CYFIP2: variants seen among roughly 807,000 people sequenced by gnomAD.
CYFIP2 encodes the protein cytoplasmic FMR1-interacting protein 2.
CYFIP2 carries 29 observed loss-of-function variants against 158.7 expected under a neutral mutation model. The observed-to-expected ratio is 0.18, with a 90% CI of 0.14 to 0.25. The LOEUF is 0.25. Among genes scored for constraint, CYFIP2 ranks in the 10% least tolerant of loss-of-function variants. The pLI, the probability that CYFIP2 is intolerant of heterozygous loss-of-function variation, is 1.00. For missense variants in CYFIP2, 852 were observed against 1,639.5 expected, an observed-to-expected ratio of 0.52 and a Z score of 8.29; for synonymous variants, 585 against 617.6, an observed-to-expected ratio of 0.95 and a Z score of 0.78.
At chr5:157,348,010 C>T (rs1290214532) in intron 23 of CYFIP2, among the ~76,000 whole-genome samples, 1 of 152,260 alleles carries the variant, frequency 6.6e-6, no homozygotes, top group Non-Finnish European at 1.5e-5. Context: ...ACACCTGCCC[C>T]AGGACATTAC....
chr5:157,324,117 T>A (rs1347167960), intron 16 of CYFIP2, 43 bp downstream of exon 16: 1 of 1,566,480 alleles, frequency 6.4e-7, no homozygotes, highest in Non-Finnish European at 8.7e-7. Flanking sequence ...GAGGAGGGGA[T>A]GAGGGCTCTC....
intron 13 of CYFIP2, among the ~76,000 whole-genome samples, chr5:157,315,666 G>C: frequency 6.6e-6 from 1 of 152,198 alleles, no homozygotes; most frequent in East Asian, 1.9e-4. Context: ...ACTGTGCAGA[G>C]ATATTTGTAC....
chr5:157,296,810 T>C (rs1316756059), intron 5 of CYFIP2, 36 bp downstream of exon 5: 1 of 1,536,998 alleles, frequency 6.5e-7, no homozygotes, highest in Admixed American at 1.8e-5. Flanking sequence ...TCTGGAGAAC[T>C]GAAAAGGCCC....
intron 23 of CYFIP2, among the ~76,000 whole-genome samples, chr5:157,354,426 C>A (rs1763276379): frequency 6.6e-6 from 1 of 152,108 alleles, no homozygotes; most frequent in Non-Finnish European, 1.5e-5. Context: ...AATGCCCAGG[C>A]TCCCCTATTC....
chr5:157,282,291 G>T (rs762979479), intron 1 of CYFIP2, among the ~76,000 whole-genome samples: 1 of 152,198 alleles, frequency 6.6e-6, no homozygotes, highest in East Asian at 1.9e-4. Flanking sequence ...AGGAGCAAGA[G>T]AGTGGGCAGT....
chr5:157,333,380 C>T lies in CYFIP2; in HGVS notation c.2319C>T (p.Ala773=), dbSNP rs773170930. 82 of 1,613,842 alleles carry T rather than the reference C, an allele frequency of 5.1e-5. No individual in the cohort carries two copies. Among genetic ancestry groups the T allele is most frequent in the South Asian group, 1.1e-4 (10 of 91,086 alleles). The part of the protein sequence containing the change: ...LNRLITQRIS[A]AMYKSLDQAI... ...GACTCATTACCCAGCGCATCTCTGC[C>T]GCCATGTATAAATCCTTGGACCAAG... Residue 773 remains alanine (A), a synonymous_variant, in exon 21 of 31, where the codon GCC becomes GCT. Coordinates refer to ENST00000620254, the MANE Select transcript of CYFIP2 (RefSeq NM_001037333.3).
chr5:157,375,517 A>T (rs944445482), intron 26 of CYFIP2, among the ~76,000 whole-genome samples: 2 of 152,176 alleles, frequency 1.3e-5, no homozygotes, highest in African/African-American at 4.8e-5. Context: ...TATACTGGAT[A>T]GCTATGAGAC....
In CYFIP2 at chr5:157,390,062, T is replaced by G. The variant is rs140695079; in HGVS notation, c.3447-459T>G. 3.2e-3 allele frequency among the ~76,000 whole-genome samples: 488 copies of G among 152,274 alleles called. 1 individual carries two copies. The highest frequency in any genetic ancestry group is 5.4e-3 in the Non-Finnish European group (369 of 68,014). On this transcript the variant is annotated intron_variant, in intron 29 of 30. Transcript: ENST00000620254. ...ACTCAGCCTCAACCCCAGCAGCATCTGCCCACCATGGCCTGTCCCTTCCCT... is the reference window on the plus strand; with the variant it reads ...ACTCAGCCTCAACCCCAGCAGCATCGGCCCACCATGGCCTGTCCCTTCCCT...
At chr5:157,327,655 C>A (rs1005601149) in intron 18 of CYFIP2, among the ~76,000 whole-genome samples, 1 of 152,026 alleles carries the variant, frequency 6.6e-6, no homozygotes, top group Admixed American at 6.6e-5. Flanking sequence ...AGTTAGCGGA[C>A]GAATTTGAGC....
intron 1 of CYFIP2, among the ~76,000 whole-genome samples, chr5:157,271,052 G>A (rs1217424770): frequency 2.6e-5 from 4 of 152,200 alleles, no homozygotes; most frequent in Non-Finnish European, 4.4e-5. Flanking sequence ...CTAAGGGAGT[G>A]AGAGAAATAA....
chr5:157,296,355 A>G (rs184463132), intron 4 of CYFIP2: 23 of 371,176 alleles, frequency 6.2e-5, no homozygotes, highest in Admixed American at 5.6e-4. Context: ...GCAATTTGGG[A>G]GGCTGAGGTG....
chr5:157,367,493 G>T (rs1764495724), intron 26 of CYFIP2, among the ~76,000 whole-genome samples: 1 of 152,188 alleles, frequency 6.6e-6, no homozygotes, highest in Non-Finnish European at 1.5e-5. Context: ...ATGAAAACCA[G>T]ATGTGCCTTG....
rs144022932 is a variant in CYFIP2 at position 157,372,852 on chromosome 5, G to A, written c.3040-9738G>A. Reference sequence around the variant, plus strand: ...GGCAGCCACCCTCCTCCCATTGGCCGTGGTGGGAAGGCTTACCTTCTGCTT... The same window carrying A: ...GGCAGCCACCCTCCTCCCATTGGCCATGGTGGGAAGGCTTACCTTCTGCTT... On this transcript the variant is annotated intron_variant, in intron 26 of 30. Coordinates refer to ENST00000620254, the MANE Select transcript of CYFIP2 (RefSeq NM_001037333.3). 2.4e-3 allele frequency among the ~76,000 whole-genome samples: 360 copies of A among 152,206 alleles called. 1 individual carries two copies. Among genetic ancestry groups the A allele is most frequent in the African/African-American group, 8.4e-3 (349 of 41,546 alleles).
At chr5:157,376,985 A>G (rs570133391) in intron 26 of CYFIP2, 58 of 436,686 alleles carry the variant, frequency 1.3e-4, no homozygotes, top group African/African-American at 1.0e-3. Flanking sequence ...AACGGTACCA[A>G]CGTCATACAG....
chr5:157,271,960 A>G (rs1756136176), intron 1 of CYFIP2, among the ~76,000 whole-genome samples: 2 of 152,204 alleles, frequency 1.3e-5, no homozygotes, highest in Non-Finnish European at 2.9e-5. Context: ...GGGCCCCAGC[A>G]GGAGCAAATC....
At chr5:157,275,161 T>C (rs1756444498) in intron 1 of CYFIP2, among the ~76,000 whole-genome samples, 5 of 152,184 alleles carry the variant, frequency 3.3e-5, no homozygotes, top group Admixed American at 2.0e-4. Flanking sequence ...CTTGATGGCG[T>C]CCTTTGAAGC....
chr5:157,338,323 C>T (rs1581092616), intron 21 of CYFIP2, among the ~76,000 whole-genome samples: 1 of 152,210 alleles, frequency 6.6e-6, no homozygotes, highest in Admixed American at 6.5e-5. Context: ...GTAGCCACGC[C>T]TTTGCCAACC....
chr5:157,370,945 T>A (rs535730267), intron 26 of CYFIP2, among the ~76,000 whole-genome samples: 1 of 152,210 alleles, frequency 6.6e-6, no homozygotes, highest in African/African-American at 2.4e-5. Flanking sequence ...ACACACAGAA[T>A]CAGGTAAGAT....
At chr5:157,373,173 C>G (rs1265425445) in intron 26 of CYFIP2, among the ~76,000 whole-genome samples, 1 of 152,188 alleles carries the variant, frequency 6.6e-6, no homozygotes, top group Admixed American at 6.5e-5. Flanking sequence ...GCCTATTCCA[C>G]CAACTTATCT....
Sources: allele counts gnomAD v4.1 joint callset (sites outside exome capture counted in the v4.1 genomes callset), GRCh38; gene constraint gnomAD v4.1.1; transcripts MANE v1.5; gene names NCBI Gene and HGNC (gene_info 2026-07-23, HGNC 2026-07-21).